The following KIRREL3 variants were observed in gnomAD, a reference collection of about 807,000 sequenced individuals.
KIRREL3 encodes kirre like nephrin family adhesion molecule 3.
Under a neutral mutation model 89.7 loss-of-function variants are expected in KIRREL3, and 36 were observed. That is an observed-to-expected ratio of 0.40 (90% CI 0.31 to 0.53). KIRREL3 has a LOEUF of 0.53. Among genes scored for constraint, KIRREL3 ranks in the 20% least tolerant of loss-of-function variants. The pLI is 0.49. For synonymous variants in KIRREL3, 445 were observed against 441.4 expected (o/e 1.01, Z -0.10); for missense variants, 864 against 1,056.6 (o/e 0.82, Z 2.53).
At chr11:126,460,253 T>A (rs1225927800) in intron 6 of KIRREL3, among the ~76,000 whole-genome samples, 1 of 152,146 alleles carries the variant, frequency 6.6e-6, no homozygotes, top group African/African-American at 2.4e-5. Flanking sequence ...TGGGGACACC[T>A]GATGAGGGGC....
chr11:126,464,751 G>C (rs1179641236), intron 5 of KIRREL3, among the ~76,000 whole-genome samples: 3 of 152,180 alleles, frequency 2.0e-5, no homozygotes. Context: ...TTTTCCCCTG[G>C]AGCCTTTGGA....
At chr11:126,803,719 T>G (rs190294787) in intron 1 of KIRREL3, among the ~76,000 whole-genome samples, 1 of 152,192 alleles carries the variant, frequency 6.6e-6, no homozygotes, top group African/African-American at 2.4e-5. Flanking sequence ...ACCTGTGCTG[T>G]CCCCACACCG....
At chr11:126,681,900 T>C (rs1194273491) in intron 1 of KIRREL3, 4 of 455,078 alleles carry the variant, frequency 8.8e-6, no homozygotes, top group African/African-American at 6.0e-5. Flanking sequence ...TTTAGGAAGA[T>C]GAAATCATGC....
intron 1 of KIRREL3, among the ~76,000 whole-genome samples, chr11:126,760,680 A>G (rs1949642033): frequency 6.6e-6 from 1 of 152,228 alleles, no homozygotes; most frequent in South Asian, 2.1e-4. Flanking sequence ...CTGTTGTGAT[A>G]TACTGGAAGC....
chr11:126,444,370 C>T (rs1229053851), intron 10 of KIRREL3, among the ~76,000 whole-genome samples: 6 of 152,192 alleles, frequency 3.9e-5, no homozygotes, highest in South Asian at 2.1e-4. Context: ...AGGTGGCTCA[C>T]GCCTATAATC....
At chr11:126,560,721 A>T (rs1049071860) in intron 2 of KIRREL3, among the ~76,000 whole-genome samples, 2 of 152,250 alleles carry the variant, frequency 1.3e-5, no homozygotes, top group African/African-American at 2.4e-5. Flanking sequence ...CAGCACAAGT[A>T]GGTCTTTTAT....
chr11:126,730,764 A>C (rs1369617889), intron 1 of KIRREL3, among the ~76,000 whole-genome samples: 2 of 151,894 alleles, frequency 1.3e-5, no homozygotes, highest in Non-Finnish European at 2.9e-5. Flanking sequence ...TTTGAGATTG[A>C]GTCTTGCTCT....
rs1945114950 is a variant in KIRREL3, at chr11:126,655,911, GT to G, written c.56-93000del. On this transcript the variant is annotated intron_variant, in intron 1 of 16. Coordinates refer to ENST00000525144, the MANE Select transcript of KIRREL3 (RefSeq NM_032531.4). The surrounding 1 kb of genome is among the most constrained non-coding windows in gnomAD (Gnocchi z 5.0). ...TCTCTTATTTTTTGTTCCTGACACT[GT>G]TTGCACTGACTAAGATATCACGATG... Among the ~76,000 whole-genome samples the G allele has an allele frequency of 1.3e-5, 2 of 149,764 alleles. No individual in the cohort carries two copies.
At position 126,989,202 on chromosome 11, in the gene KIRREL3, CA is replaced by C. The variant is rs1195460556; in HGVS notation, c.55+11252del. On this transcript the variant is annotated intron_variant, in intron 1 of 16. Coordinates refer to ENST00000525144, the MANE Select transcript of KIRREL3 (RefSeq NM_032531.4). The surrounding 1 kb of genome is among the most constrained non-coding windows in gnomAD (Gnocchi z 6.2). ...GAAGTAAGGTTTTGCAAAACTTATGCAAAAAGTTTTCTTTTCTACAAGAGAT... is the reference window on the plus strand; with the variant it reads ...GAAGTAAGGTTTTGCAAAACTTATGCAAAAGTTTTCTTTTCTACAAGAGAT... Among the ~76,000 whole-genome samples, 1 of 152,116 alleles carries C rather than the reference CA, an allele frequency of 6.6e-6. No homozygotes were observed. Among genetic ancestry groups the C allele is most frequent in the East Asian group, 1.9e-4 (1 of 5,190 alleles).
Position 126,607,419 on chromosome 11 carries a change from T to G in KIRREL3, c.56-44507A>C, listed in dbSNP as rs1455546506. Among the ~76,000 whole-genome samples, 1 of 151,826 alleles carries G rather than the reference T, an allele frequency of 6.6e-6. No homozygotes were observed. The highest frequency in any genetic ancestry group is 2.4e-5 in the African/African-American group (1 of 41,298). On this transcript the variant is annotated intron_variant, in intron 1 of 16. Coordinates refer to ENST00000525144, the MANE Select transcript of KIRREL3 (RefSeq NM_032531.4). The surrounding 1 kb of genome is among the most constrained non-coding windows in gnomAD (Gnocchi z 6.6). ...TGGAGGAGAGATCAGGAAGGAGAGA[T>G]CCACATCTGGCTCCGAGCTGACTCT... is the stretch of plus-strand genomic sequence containing the variant.
In KIRREL3 at chr11:126,622,942, A is replaced by T. The variant is rs1345733024; in HGVS notation, c.56-60030T>A. ...ATAATGAGGAAATGGAAGTACCTAG[A>T]GGTTAAGTATTTTGCCCAAGGTCAC... is the stretch of plus-strand genomic sequence containing the variant. On this transcript the variant is annotated intron_variant, in intron 1 of 16. Coordinates refer to ENST00000525144, the MANE Select transcript of KIRREL3 (RefSeq NM_032531.4). The surrounding 1 kb of genome is among the most constrained non-coding windows in gnomAD (Gnocchi z 5.2). Among the ~76,000 whole-genome samples the T allele has an allele frequency of 6.6e-6, 1 of 152,236 alleles. No individual in the cohort carries two copies. Among genetic ancestry groups the T allele is most frequent in the Non-Finnish European group, 1.5e-5 (1 of 68,046 alleles).
upstream of KIRREL3, among the ~76,000 whole-genome samples, chr11:127,002,038 C>G (rs1950324527): frequency 6.6e-6 from 1 of 152,192 alleles, no homozygotes; most frequent in African/African-American, 2.4e-5. Context: ...AGCCTTTCCT[C>G]TTTCAGTAGT....
rs143831508 is a variant in KIRREL3 at position 126,553,562 on chromosome 11, C to T, written c.133+9273G>A. On this transcript the variant is annotated intron_variant, in intron 2 of 16. Coordinates refer to ENST00000525144, the MANE Select transcript of KIRREL3 (RefSeq NM_032531.4). This position sits in a 1 kb window ranked among gnomAD's most constrained non-coding sequence, Gnocchi z 4.7. The stretch of plus-strand genomic sequence containing the variant: ...CACTGCTGCGGTGCCTCCATATCTA[C>T]CCATTTCATGAGCCCAGGTGGCCAC... Among the ~76,000 whole-genome samples the T allele has an allele frequency of 8.3e-4, 127 of 152,354 alleles. No individual in the cohort carries two copies. The highest frequency in any genetic ancestry group is 2.7e-3 in the African/African-American group (113 of 41,584).
rs749516911 is a variant in KIRREL3, at chr11:126,570,706, G to A, written c.56-7794C>T. Among the ~76,000 whole-genome samples, 2 of 152,136 alleles carry A rather than the reference G, an allele frequency of 1.3e-5. No homozygotes were observed. The highest frequency in any genetic ancestry group is 4.8e-5 in the African/African-American group (2 of 41,422). On this transcript the variant is annotated intron_variant, in intron 1 of 16. Transcript: ENST00000525144. This position sits in a 1 kb window ranked among gnomAD's most constrained non-coding sequence, Gnocchi z 6.1. ...GCTGGCATAGCTCTATCCCCCATGCGGCCAAGGCAGGCATTATCAGCAACT... is the reference window on the plus strand; with the variant it reads ...GCTGGCATAGCTCTATCCCCCATGCAGCCAAGGCAGGCATTATCAGCAACT...
intron 1 of KIRREL3, among the ~76,000 whole-genome samples, chr11:126,670,674 T>C (rs1291772467): frequency 6.6e-6 from 1 of 152,218 alleles, no homozygotes; most frequent in Non-Finnish European, 1.5e-5. Context: ...CTGCCTACCT[T>C]GCCCCACCCT....
rs993773901 is a variant in KIRREL3, at chr11:126,656,564, G to A, written c.56-93652C>T. Among the ~76,000 whole-genome samples, 6 of 152,166 alleles carry A rather than the reference G, an allele frequency of 3.9e-5. No individual in the cohort carries two copies. Among genetic ancestry groups the A allele is most frequent in the Admixed American group, 2.0e-4 (3 of 15,268 alleles). On this transcript the variant is annotated intron_variant, in intron 1 of 16. Coordinates refer to ENST00000525144, the MANE Select transcript of KIRREL3 (RefSeq NM_032531.4). This position sits in a 1 kb window ranked among gnomAD's most constrained non-coding sequence, Gnocchi z 4.0. ...CAGTGGTTGCGTGCTCCTGGGCACC[G>A]CCTGCCCAGCCCCTGCACTGATTGT...
Position 126,742,951 on chromosome 11 carries a change from G to A in KIRREL3, c.56-180039C>T, listed in dbSNP as rs1187308297. Among the ~76,000 whole-genome samples, 1 of 152,224 alleles carries A rather than the reference G, an allele frequency of 6.6e-6. No homozygotes were observed. The highest frequency in any genetic ancestry group is 1.5e-5 in the Non-Finnish European group (1 of 68,048). On this transcript the variant is annotated intron_variant, in intron 1 of 16. Coordinates refer to ENST00000525144, the MANE Select transcript of KIRREL3 (RefSeq NM_032531.4). This position sits in a 1 kb window ranked among gnomAD's most constrained non-coding sequence, Gnocchi z 5.3. The stretch of plus-strand genomic sequence containing the variant: ...AAAACTTGGTTTGCTGTGGTTTGGA[G>A]TTTCTAGGTCAGCTGCCCAGGGGCT...
At chr11:126,672,615 T>C (rs1946006196) in intron 1 of KIRREL3, among the ~76,000 whole-genome samples, 1 of 152,166 alleles carries the variant, frequency 6.6e-6, no homozygotes, top group African/African-American at 2.4e-5. Flanking sequence ...GCCGTGAAAA[T>C]ATTCTGTACA....
At chr11:126,927,211 C>T (rs556001552) in intron 1 of KIRREL3, among the ~76,000 whole-genome samples, 8 of 151,102 alleles carry the variant, frequency 5.3e-5, no homozygotes, top group South Asian at 2.1e-4. Context: ...CTGCAGCACA[C>T]GACACCTGGG....
Sources: gnomAD v4.1 joint callset for allele counts (sites outside exome capture counted in the v4.1 genomes callset) on GRCh38, gnomAD v4.1.1 for gene constraint, Gnocchi (gnomAD v3.1) non-coding constraint, MANE v1.5 for transcripts, NCBI Gene and HGNC (gene_info 2026-07-23, HGNC 2026-07-21) for gene names.